Variants in CSMD1 observed in about 807,000 individuals in gnomAD.
The protein encoded by CSMD1 is CUB and sushi domain-containing protein 1.
In CSMD1, 213 loss-of-function variants were observed where a neutral mutation model predicts 417.5. The observed-to-expected ratio is 0.51, with a 90% CI of 0.46 to 0.57. CSMD1 has a LOEUF of 0.57. CSMD1 is among the 20% of genes least tolerant of loss of function. CSMD1 has a pLI of 0.00. For synonymous variants in CSMD1, 2,862 were observed against 1,736.8 expected (o/e 1.65, Z -16.11); for missense variants, 6,923 against 4,529.7 (o/e 1.53, Z -15.17).
intron 1 of CSMD1, among the ~76,000 whole-genome samples, chr8:4,716,823 T>C (rs1808688448): frequency 6.6e-6 from 1 of 152,174 alleles, no homozygotes; most frequent in Non-Finnish European, 1.5e-5. Flanking sequence ...CAAACATCTC[T>C]TAGCAACTAA....
At chr8:4,594,265 G>C (rs531012749) in intron 2 of CSMD1, among the ~76,000 whole-genome samples, 3 of 140,292 alleles carry the variant, frequency 2.1e-5, no homozygotes. Context: ...GTGCAGTGGC[G>C]TGATCTCAGC....
chr8:4,797,844 C>A (rs1798062969), intron 1 of CSMD1, among the ~76,000 whole-genome samples: 1 of 152,200 alleles, frequency 6.6e-6, no homozygotes, highest in South Asian at 2.1e-4. Context: ...TCAAGAGAAA[C>A]CATATAAAGA....
At chr8:3,250,049 C>G (rs1208499533) in intron 26 of CSMD1, among the ~76,000 whole-genome samples, 1 of 152,128 alleles carries the variant, frequency 6.6e-6, no homozygotes, top group Non-Finnish European at 1.5e-5. Context: ...TGACCAAGTA[C>G]ATATTTTTGT....
At chr8:4,286,708 G>C (rs188746138) in intron 3 of CSMD1, among the ~76,000 whole-genome samples, 1 of 152,186 alleles carries the variant, frequency 6.6e-6, no homozygotes, top group Non-Finnish European at 1.5e-5. Context: ...ACAAGAGAAT[G>C]TATGCAGCTC....
At position 4,150,891 on chromosome 8, in the gene CSMD1, G is replaced by A. The variant is rs7813436; in HGVS notation, c.416-118792C>T. ...AAAAATGTCCTGCTGAGAAACGCCT[G>A]AGAAAGAGCAATGTTTTGTTCCCTC... On this transcript the variant is annotated intron_variant, in intron 3 of 69. Coordinates refer to ENST00000635120, the MANE Select transcript of CSMD1 (RefSeq NM_033225.6). Among the ~76,000 whole-genome samples the A allele has an allele frequency of 9.9e-5, 15 of 152,136 alleles. 1 individual carries two copies. Among genetic ancestry groups the A allele is most frequent in the Non-Finnish European group, 2.1e-4 (14 of 68,052 alleles).
intron 4 of CSMD1, among the ~76,000 whole-genome samples, chr8:4,009,674 G>GCTTAAAT (rs1816393420): frequency 3.4e-4 from 51 of 152,116 alleles, no homozygotes; most frequent in African/African-American, 1.2e-3. Flanking sequence ...TGTAATACTG[G>GCTTAAAT]GAGATATTAT....
intron 1 of CSMD1, among the ~76,000 whole-genome samples, chr8:4,759,939 T>C (rs1224070668): frequency 1.3e-5 from 2 of 152,330 alleles, no homozygotes; most frequent in African/African-American, 4.8e-5. Context: ...AACATGGAAT[T>C]ACTAGGTCAA....
chr8:3,315,805 C>A (rs546927822), intron 23 of CSMD1, among the ~76,000 whole-genome samples: 15 of 152,230 alleles, frequency 9.9e-5, no homozygotes, highest in African/African-American at 3.6e-4. Flanking sequence ...TTTTATCAAG[C>A]AAACTTTTAA....
At chr8:4,301,985 G>T (rs974864682) in intron 3 of CSMD1, among the ~76,000 whole-genome samples, 1 of 152,136 alleles carries the variant, frequency 6.6e-6, no homozygotes, top group Non-Finnish European at 1.5e-5. Context: ...ATCCTGTTCA[G>T]ATATGTTAGA....
chr8:3,786,018 G>A (rs1799438672), intron 5 of CSMD1, among the ~76,000 whole-genome samples: 1 of 152,188 alleles, frequency 6.6e-6, no homozygotes, highest in African/African-American at 2.4e-5. Context: ...GGGCATTGGG[G>A]TGAAGAAAAT....
intron 5 of CSMD1, among the ~76,000 whole-genome samples, chr8:3,839,826 C>T (rs941806039): frequency 5.3e-5 from 8 of 151,638 alleles, no homozygotes; most frequent in South Asian, 2.1e-4. Flanking sequence ...AAGTGCACAG[C>T]TAAATGGAGG....
chr8:4,892,237 G>A (rs113896934), intron 1 of CSMD1, among the ~76,000 whole-genome samples: 87 of 152,154 alleles, frequency 5.7e-4, no homozygotes, highest in Non-Finnish European at 8.5e-4. Context: ...ATAAAATAGT[G>A]CTCTTCTAAA....
intron 3 of CSMD1, among the ~76,000 whole-genome samples, chr8:4,373,527 A>G (rs1802528433): frequency 1.3e-5 from 2 of 152,236 alleles, no homozygotes; most frequent in Admixed American, 6.5e-5. Flanking sequence ...GAACTACTGC[A>G]TTATTCCTCT....
At chr8:3,849,595 G>A (rs566872474) in intron 5 of CSMD1, among the ~76,000 whole-genome samples, 3 of 152,150 alleles carry the variant, frequency 2.0e-5, no homozygotes, top group Non-Finnish European at 2.9e-5. Context: ...CATGGGAAAA[G>A]AACAGTGATT....
intron 5 of CSMD1, among the ~76,000 whole-genome samples, chr8:3,983,386 T>C (rs1814051212): frequency 6.6e-6 from 1 of 151,948 alleles, no homozygotes. Context: ...TTTCTTGCCC[T>C]CCCAAATTGC....
At chr8:3,081,334 G>A (rs560516173) in intron 49 of CSMD1, among the ~76,000 whole-genome samples, 1 of 152,282 alleles carries the variant, frequency 6.6e-6, no homozygotes, top group Admixed American at 6.5e-5. Context: ...AGAATAAACG[G>A]ACTGCTTTTC....
At chr8:3,711,314 T>C (rs557596753) in intron 6 of CSMD1, among the ~76,000 whole-genome samples, 2 of 152,234 alleles carry the variant, frequency 1.3e-5, no homozygotes, top group African/African-American at 4.8e-5. Context: ...TTGACTCTTG[T>C]GGAAGACGAG....
chr8:4,329,070 A>C (rs954797209), intron 3 of CSMD1, among the ~76,000 whole-genome samples: 64 of 152,350 alleles, frequency 4.2e-4, no homozygotes, highest in African/African-American at 1.4e-3. Flanking sequence ...TAATAAATAA[A>C]AATTGCACAA....
At chr8:3,276,118 C>T (rs1463497163) in intron 26 of CSMD1, among the ~76,000 whole-genome samples, 1 of 152,076 alleles carries the variant, frequency 6.6e-6, no homozygotes, top group East Asian at 1.9e-4. Context: ...GTGTGGATGT[C>T]ATTTCTGTTT....
Sources: gnomAD v4.1 joint callset for allele counts (sites outside exome capture counted in the v4.1 genomes callset) on GRCh38, gnomAD v4.1.1 for gene constraint, MANE v1.5 for transcripts, NCBI Gene and HGNC (gene_info 2026-07-23, HGNC 2026-07-21) for gene names.